Variants in CADPS observed in about 807,000 individuals in gnomAD.
CADPS encodes calcium-dependent secretion activator 1.
Under a neutral mutation model 167.3 loss-of-function variants are expected in CADPS, and 57 were observed. The observed-to-expected ratio is 0.34, with a 90% confidence interval of 0.28 to 0.42. The LOEUF (loss-of-function observed/expected upper bound fraction) is 0.42, where lower values mean the gene tolerates loss of function less well. CADPS is among the 20% of genes least tolerant of loss of function. CADPS has a pLI of 1.00. For missense variants in CADPS, 1,414 were observed against 1,738.1 expected (o/e 0.81, Z 3.32); for synonymous variants, 676 against 635.3 (o/e 1.06, Z -0.96).
At chr3:62,402,319 T>C (rs767086964) in intron 29 of CADPS, among the ~76,000 whole-genome samples, 2 of 151,992 alleles carry the variant, frequency 1.3e-5, no homozygotes, top group Non-Finnish European at 2.9e-5. Flanking sequence ...GCTACATTTA[T>C]TGTTAAAATA....
chr3:62,777,707 C>T (rs2090646215), intron 1 of CADPS, among the ~76,000 whole-genome samples: 1 of 152,092 alleles, frequency 6.6e-6, no homozygotes, highest in South Asian at 2.1e-4. Context: ...CCTAAAACTC[C>T]TCTAAAAAAT....
intron 1 of CADPS, among the ~76,000 whole-genome samples, chr3:62,831,984 C>A (rs1170776068): frequency 6.6e-6 from 1 of 152,282 alleles, no homozygotes; most frequent in South Asian, 2.1e-4. Flanking sequence ...ACCCAGCTTC[C>A]CTCTGGTCAA....
At chr3:62,736,822 G>A in intron 3 of CADPS, among the ~76,000 whole-genome samples, 1 of 152,128 alleles carries the variant, frequency 6.6e-6, no homozygotes, top group East Asian at 1.9e-4. Context: ...TTCTATTTCC[G>A]AACTACAGAT....
intron 1 of CADPS, among the ~76,000 whole-genome samples, chr3:62,808,228 T>C (rs529859248): frequency 9.2e-6 from 1 of 108,196 alleles, no homozygotes; most frequent in South Asian, 4.1e-4. Context: ...ATGCTGAATA[T>C]ATCTAAATGG....
chr3:62,802,875 G>A (rs1483798414), intron 1 of CADPS, among the ~76,000 whole-genome samples: 1 of 152,118 alleles, frequency 6.6e-6, no homozygotes, highest in East Asian at 1.9e-4. Context: ...TGTTGATCCA[G>A]AGAAAAGAGG....
intron 4 of CADPS, among the ~76,000 whole-genome samples, chr3:62,657,259 A>T (rs2071871742): frequency 1.3e-5 from 2 of 152,206 alleles, no homozygotes; most frequent in Admixed American, 1.3e-4. Flanking sequence ...TGCTCTGTGT[A>T]GAATACGGGT....
chr3:62,643,990 C>G (rs972614660), intron 6 of CADPS, among the ~76,000 whole-genome samples: 1 of 152,190 alleles, frequency 6.6e-6, no homozygotes, highest in Non-Finnish European at 1.5e-5. Context: ...TGACGTGTGA[C>G]AAGGTGCATT....
At chr3:62,799,399 A>G (rs2152795422) in intron 1 of CADPS, among the ~76,000 whole-genome samples, 1 of 152,246 alleles carries the variant, frequency 6.6e-6, no homozygotes, top group East Asian at 1.9e-4. Context: ...TTGCTCAACA[A>G]GTTCACCTAT....
intron 17 of CADPS, among the ~76,000 whole-genome samples, chr3:62,512,175 G>A (rs930876939): frequency 3.3e-5 from 5 of 152,198 alleles, no homozygotes; most frequent in African/African-American, 1.2e-4. Context: ...AATAAGATCA[G>A]AAGTTTTGGG....
At chr3:62,400,185 T>C (rs1705381581) in intron 29 of CADPS, among the ~76,000 whole-genome samples, 1 of 152,218 alleles carries the variant, frequency 6.6e-6, no homozygotes, top group Admixed American at 6.5e-5. Flanking sequence ...ACTCATTTCT[T>C]CTCTCCTTGG....
At chr3:62,715,352 C>CT (rs2084252411) in intron 3 of CADPS, among the ~76,000 whole-genome samples, 1 of 135,318 alleles carries the variant, frequency 7.4e-6, no homozygotes, top group Non-Finnish European at 1.6e-5. Flanking sequence ...TGTTGGCCAG[C>CT]CCTATCTATC....
At chr3:62,542,468 A>G (rs1398839339) in intron 11 of CADPS, among the ~76,000 whole-genome samples, 1 of 152,122 alleles carries the variant, frequency 6.6e-6, no homozygotes, top group Non-Finnish European at 1.5e-5. Flanking sequence ...CTGGTTGTTT[A>G]TGGATTTTTC....
rs114421887 is a variant in CADPS at position 62,508,625 on chromosome 3, T to C, written c.2599+4126A>G. 3.1e-3 allele frequency among the ~76,000 whole-genome samples: 471 copies of C among 152,334 alleles called. 4 individuals carry two copies. The highest frequency in any genetic ancestry group is 0.011 in the African/African-American group (442 of 41,582). On this transcript the variant is annotated intron_variant, in intron 17 of 29. Transcript: ENST00000383710. Reference sequence around the variant, plus strand: ...TTTGATAGCATGTCACAATACAGTATATGAATGGCGCAGCTTATAATTGAT... The same window carrying C: ...TTTGATAGCATGTCACAATACAGTACATGAATGGCGCAGCTTATAATTGAT...
chr3:62,805,224 C>T (rs1305588684), intron 1 of CADPS, among the ~76,000 whole-genome samples: 1 of 152,130 alleles, frequency 6.6e-6, no homozygotes, highest in Non-Finnish European at 1.5e-5. Context: ...AGTTGAGAAC[C>T]GCTCACTGTT....
At chr3:62,492,759 C>T (rs753591267) in intron 19 of CADPS, among the ~76,000 whole-genome samples, 1 of 152,122 alleles carries the variant, frequency 6.6e-6, no homozygotes, top group African/African-American at 2.4e-5. Flanking sequence ...GAGTCATGCT[C>T]TTTGTCATTG....
chr3:62,727,670 A>G (rs558835), intron 3 of CADPS, among the ~76,000 whole-genome samples: 34,444 of 151,720 alleles, frequency 0.23, 4,423 homozygotes, highest in African/African-American at 0.31. Flanking sequence ...ATACAACACT[A>G]GATGAGAAAA....
chr3:62,675,268 G>GA (rs59020048), intron 3 of CADPS, among the ~76,000 whole-genome samples: 17,417 of 147,810 alleles, frequency 0.12, 1,114 homozygotes, highest in Middle Eastern at 0.2. Context: ...GTTAGAAAAT[G>GA]AAAAAAAAAA....
chr3:62,733,126 T>C lies in CADPS; in HGVS notation c.888+20315A>G, dbSNP rs529654464. Among the ~76,000 whole-genome samples the C allele has an allele frequency of 3.9e-5, 6 of 152,350 alleles. No homozygotes were observed. The South Asian group carries it at 1.2e-3, about 32-fold the overall frequency. The stretch of plus-strand genomic sequence containing the variant: ...TAAGCATACTTCCAATTAACTTTCA[T>C]AAACCAGAAATCAGGCCACTCTAAC... On this transcript the variant is annotated intron_variant, in intron 3 of 29. Coordinates refer to ENST00000383710, the MANE Select transcript of CADPS (RefSeq NM_003716.4).
intron 1 of CADPS, among the ~76,000 whole-genome samples, chr3:62,847,978 G>C (rs1247184700): frequency 2.7e-5 from 2 of 75,276 alleles, no homozygotes; most frequent in African/African-American, 1.4e-4. Context: ...ATTCTAACTG[G>C]TGTGAGATGA....
Sources: allele counts gnomAD v4.1 joint callset (sites outside exome capture counted in the v4.1 genomes callset), GRCh38; gene constraint gnomAD v4.1.1; transcripts MANE v1.5; gene names NCBI Gene and HGNC (gene_info 2026-07-23, HGNC 2026-07-21).